NCOA3: variants seen among roughly 807,000 people sequenced by gnomAD.
NCOA3 encodes the protein nuclear receptor coactivator 3, also known as CBP-interacting protein.
NCOA3 carries 51 observed loss-of-function variants against 158.8 expected under a neutral mutation model. The observed-to-expected ratio is 0.32, with a 90% confidence interval of 0.26 to 0.41. The LOEUF (loss-of-function observed/expected upper bound fraction) is 0.41, where lower values mean the gene tolerates loss of function less well. Among genes scored for constraint, NCOA3 ranks in the 10% least tolerant of loss-of-function variants. The pLI is 1.00. For synonymous variants in NCOA3, 537 were observed against 592.4 expected (o/e 0.91, Z 1.36); for missense variants, 1,510 against 1,746.6 (o/e 0.86, Z 2.41).
intron 17 of NCOA3, among the ~76,000 whole-genome samples, 191 bp downstream of exon 17, chr20:47,642,575 G>A (rs1337695713): frequency 6.6e-6 from 1 of 152,088 alleles, no homozygotes; most frequent in Non-Finnish European, 1.5e-5. Context: ...TGTTAAAATA[G>A]AAAATATACT....
At position 47,512,188 on chromosome 20, in the gene NCOA3, AAAAC is replaced by A. The variant is rs545642177; in HGVS notation, c.-99+10173_-99+10176del. ...GGAAATAATAAAATAATTTTTACAAAAAACAAAATATAAACACAAAAAAAGTTTT... is the reference window on the plus strand; with the variant it reads ...GGAAATAATAAAATAATTTTTACAAAAAAATATAAACACAAAAAAAGTTTT... On this transcript the variant is annotated intron_variant, in intron 1 of 22. Coordinates refer to ENST00000371998, the MANE Select transcript of NCOA3 (RefSeq NM_181659.3). Among the ~76,000 whole-genome samples, 631 of 152,284 alleles carry A rather than the reference AAAAC, an allele frequency of 4.1e-3. 8 individuals are homozygous for A. Among genetic ancestry groups the A allele is most frequent in the African/African-American group, 0.015 (607 of 41,570 alleles).
chr20:47,621,886 A>C (rs2086247066), intron 2 of NCOA3, among the ~76,000 whole-genome samples: 1 of 152,040 alleles, frequency 6.6e-6, no homozygotes, highest in Non-Finnish European at 1.5e-5. Flanking sequence ...CATGTTGGTC[A>C]GGCTGGTCTC....
intron 1 of NCOA3, among the ~76,000 whole-genome samples, chr20:47,532,010 T>A (rs2084554594): frequency 6.6e-6 from 1 of 152,112 alleles, no homozygotes; most frequent in South Asian, 2.1e-4. Flanking sequence ...TGCAAAAATT[T>A]ATTGAGTGCT....
chr20:47,644,776 C>T (rs934911372), intron 17 of NCOA3, among the ~76,000 whole-genome samples: 3 of 152,060 alleles, frequency 2.0e-5, no homozygotes, highest in Non-Finnish European at 4.4e-5. Flanking sequence ...CGGCTCACTG[C>T]AACCTCCACC....
At chr20:47,513,456 C>T (rs560341423) in intron 1 of NCOA3, among the ~76,000 whole-genome samples, 4 of 151,838 alleles carry the variant, frequency 2.6e-5, no homozygotes, top group African/African-American at 7.2e-5. Context: ...CCGGGCGAGG[C>T]GGCTCAAGCC....
chr20:47,649,255 G>A (rs2086742030), intron 19 of NCOA3, 146 bp downstream of exon 19: 1 of 527,988 alleles, frequency 1.9e-6, no homozygotes, highest in Non-Finnish European at 3.3e-6. Flanking sequence ...AAAGACTTTC[G>A]ACTCTTCCAT....
At chr20:47,507,857 G>A (rs1487891859) in intron 1 of NCOA3, among the ~76,000 whole-genome samples, 1 of 152,102 alleles carries the variant, frequency 6.6e-6, no homozygotes, top group Non-Finnish European at 1.5e-5. Context: ...AGCCTCAGGT[G>A]ATCTGCCCGC....
intron 1 of NCOA3, among the ~76,000 whole-genome samples, chr20:47,563,894 AAAAAAAAAAAG>A (rs1033947703): frequency 6.0e-5 from 9 of 150,432 alleles, no homozygotes; most frequent in African/African-American, 2.0e-4. Context: ...GTCTCAAAAA[AAAAAAAAAAAG>A]AAAGAAAAAA....
intron 1 of NCOA3, among the ~76,000 whole-genome samples, chr20:47,535,310 T>G (rs1470276249): frequency 6.6e-6 from 1 of 152,202 alleles, no homozygotes; most frequent in Non-Finnish European, 1.5e-5. Flanking sequence ...GTTGAGTGTT[T>G]CCAGCTCCTG....
Position 47,654,992 on chromosome 20 carries a change from C to G in NCOA3, c.*1575C>G, listed in dbSNP as rs2086850655. 2.0e-5 allele frequency: 3 copies of G among 152,048 alleles called. No homozygotes were observed. The highest frequency in any genetic ancestry group is 2.0e-4 in the Admixed American group (3 of 15,260). The allele number at this position is 152,048 out of a possible 1,614,324, so 9.4% of individuals were successfully genotyped here. A position where few individuals can be genotyped will look rare whatever the true frequency, so the allele number is the denominator to read the frequency against. On this transcript the variant is annotated 3_prime_UTR_variant, in exon 23 of 23. Coordinates refer to ENST00000371998, the MANE Select transcript of NCOA3 (RefSeq NM_181659.3). ...TCGAGTAGAATCCTTGGTGTGGTTT[C>G]TGGTGTCTGCTCAGCTGTCCCCTCA...
intron 1 of NCOA3, among the ~76,000 whole-genome samples, chr20:47,526,576 C>G (rs981594570): frequency 2.0e-5 from 3 of 152,352 alleles, no homozygotes; most frequent in East Asian, 3.9e-4. Context: ...CCGGCCAACA[C>G]AGCGAAACCC....
At chr20:47,626,901 C>G (rs2086331217) in intron 5 of NCOA3, 101 bp from the exon 6 acceptor site, 2 of 1,097,024 alleles carry the variant, frequency 1.8e-6, no homozygotes, top group Non-Finnish European at 2.6e-6. Flanking sequence ...GTCTTGTTTC[C>G]AAATACAGTT....
intron 1 of NCOA3, among the ~76,000 whole-genome samples, chr20:47,506,025 G>A (rs772334322): frequency 1.3e-5 from 2 of 152,032 alleles, no homozygotes; most frequent in African/African-American, 4.8e-5. Flanking sequence ...GGCTGGTCTC[G>A]AACTCCTGAC....
In NCOA3 at chr20:47,625,367, T is replaced by G; in HGVS notation, c.257-14T>G. 1 of 1,567,966 alleles carries G rather than the reference T, an allele frequency of 6.4e-7. No individual in the cohort carries two copies. Among genetic ancestry groups the G allele is most frequent in the Non-Finnish European group, 8.8e-7 (1 of 1,138,472 alleles). The stretch of plus-strand genomic sequence containing the variant: ...ATAGTGTGTTATTCGTTATACCACC[T>G]TCTGTCTTTTCAGGAAAAACTATTT... On this transcript the variant is annotated splice_polypyrimidine_tract_variant and intron_variant, in intron 4 of 22. Transcript: ENST00000371998.
At chr20:47,504,481 T>TC (rs1432489153) in intron 1 of NCOA3, among the ~76,000 whole-genome samples, 1 of 120,254 alleles carries the variant, frequency 8.3e-6, no homozygotes, top group African/African-American at 3.0e-5. Context: ...AGTGTGTCTT[T>TC]TTTTTTTTTT....
rs1164031952 is a variant in NCOA3, at chr20:47,584,732, A to AAGGAAATGTTG, written c.-20+1473_-20+1474insGAAATGTTGAG. 2.6e-5 allele frequency among the ~76,000 whole-genome samples: 4 copies of AAGGAAATGTTG among 152,298 alleles called. 1 individual carries two copies. The highest frequency in any genetic ancestry group is 9.6e-5 in the African/African-American group (4 of 41,566). The stretch of plus-strand genomic sequence containing the variant: ...AGGTTGAGTAGGCTTGAGGAGGAGA[A>AAGGAAATGTTG]AGAAGAGGAAATGTTGGTCCTACTG... On this transcript the variant is annotated intron_variant, in intron 2 of 22. Transcript: ENST00000371998.
At chr20:47,521,260 C>T (rs182303496) in intron 1 of NCOA3, among the ~76,000 whole-genome samples, 23 of 152,298 alleles carry the variant, frequency 1.5e-4, no homozygotes, top group African/African-American at 3.1e-4. Flanking sequence ...AGACCGCCCC[C>T]GGAGGGGAAT....
In NCOA3 at chr20:47,617,236, G is replaced by A. The variant is rs544926111; in HGVS notation, c.-19-4993G>A. Among the ~76,000 whole-genome samples the A allele has an allele frequency of 3.7e-4, 56 of 152,316 alleles. 1 individual carries two copies. Among genetic ancestry groups the A allele is most frequent in the African/African-American group, 1.3e-3 (52 of 41,584 alleles). On this transcript the variant is annotated intron_variant, in intron 2 of 22. Transcript: ENST00000371998. ...CTCCCAAAGTGCTGGGATTACAGGC[G>A]TGAGCCACCGCGCCTGGCCTAGACT...
intron 1 of NCOA3, among the ~76,000 whole-genome samples, chr20:47,569,870 C>T (rs544165578): frequency 6.7e-6 from 1 of 150,066 alleles, no homozygotes; most frequent in South Asian, 2.1e-4. Flanking sequence ...ATTAGCTGGA[C>T]GTGGCGGCGG....
Sources: allele counts gnomAD v4.1 joint callset (sites outside exome capture counted in the v4.1 genomes callset), GRCh38; gene constraint gnomAD v4.1.1; transcripts MANE v1.5; gene names NCBI Gene and HGNC (gene_info 2026-07-23, HGNC 2026-07-21).